The following PDE3A variants were observed in gnomAD, a reference collection of about 807,000 sequenced individuals.
The protein encoded by PDE3A is phosphodiesterase 3A, also known as cGMP-inhibited 3',5'-cyclic phosphodiesterase 3A.
In PDE3A, 43 loss-of-function variants were observed where a neutral mutation model predicts 98.3. That is an observed-to-expected ratio of 0.44 (90% CI 0.34 to 0.56). PDE3A has a LOEUF of 0.56. Ranked by LOEUF, PDE3A falls within the 20% of genes least tolerant of loss-of-function variation. The pLI is 0.01. For missense variants in PDE3A, 1,427 were observed against 1,440.7 expected (o/e 0.99, Z 0.15); for synonymous variants, 663 against 567.9 (o/e 1.17, Z -2.38).
chr12:20,683,719 A>G lies in PDE3A; in HGVS notation c.*3448A>G, dbSNP rs1056140882. The G allele has an allele frequency of 3.9e-5, 6 of 152,166 alleles. No homozygotes were observed. The highest frequency in any genetic ancestry group is 7.4e-5 in the Non-Finnish European group (5 of 68,018). 9.4% of individuals were successfully genotyped at this position (152,166 alleles called of 1,614,324 possible). ...AGTAGCTCTGTACAGGGATATATCT[A>G]TATTAGTCTTCATCTGATGAATGAA... On this transcript the variant is annotated 3_prime_UTR_variant, in exon 16 of 16. Coordinates refer to ENST00000359062, the MANE Select transcript of PDE3A (RefSeq NM_000921.5).
chr12:20,663,635 G>T (rs1389196745), intron 15 of PDE3A, among the ~76,000 whole-genome samples: 2 of 152,256 alleles, frequency 1.3e-5, no homozygotes, highest in East Asian at 1.9e-4. Flanking sequence ...CTTTGTTTTG[G>T]CAGATTTCTC....
chr12:20,400,299 A>G (rs942105518), intron 1 of PDE3A, among the ~76,000 whole-genome samples: 1 of 150,594 alleles, frequency 6.6e-6, no homozygotes, highest in East Asian at 1.9e-4. Context: ...CTAAAGGAGT[A>G]GCACAGCCAG....
At position 20,527,279 on chromosome 12, in the gene PDE3A, C is replaced by G. The variant is rs577934412; in HGVS notation, c.961-29381C>G. Among the ~76,000 whole-genome samples the G allele has an allele frequency of 7.2e-5, 11 of 152,182 alleles. No homozygotes were observed. The South Asian group carries it at 1.5e-3, about 20-fold the overall frequency. Reference sequence around the variant, plus strand: ...CAACAGAAACATAATTAAATAGCTTCTAAACATTTGAGAAGATGAATGGAT... The same window carrying G: ...CAACAGAAACATAATTAAATAGCTTGTAAACATTTGAGAAGATGAATGGAT... On this transcript the variant is annotated intron_variant, in intron 1 of 15. Transcript: ENST00000359062.
chr12:20,662,324 A>G (rs7977591), intron 15 of PDE3A, among the ~76,000 whole-genome samples: 82,574 of 151,910 alleles, frequency 0.54, 23,482 homozygotes, highest in East Asian at 0.73. Flanking sequence ...GGTCTCAGAT[A>G]AAGATGAGGA....
intron 2 of PDE3A, among the ~76,000 whole-genome samples, chr12:20,561,848 T>G (rs893672672): frequency 6.6e-6 from 1 of 152,196 alleles, no homozygotes; most frequent in Non-Finnish European, 1.5e-5. Context: ...AACCCTTAAT[T>G]GCATATGACT....
At chr12:20,370,921 T>C (rs1350155909) in intron 1 of PDE3A, among the ~76,000 whole-genome samples, 1 of 152,236 alleles carries the variant, frequency 6.6e-6, no homozygotes, top group African/African-American at 2.4e-5. Flanking sequence ...TGGGGAATAA[T>C]ATGTCTGAAC....
At chr12:20,456,934 G>C (rs926551742) in intron 1 of PDE3A, among the ~76,000 whole-genome samples, 1 of 152,114 alleles carries the variant, frequency 6.6e-6, no homozygotes, top group African/African-American at 2.4e-5. Context: ...GCTTTGTCAA[G>C]TATCCTTAGC....
chr12:20,552,202 A>G lies in PDE3A; in HGVS notation c.961-4458A>G. 1 of 1,613,940 alleles carries G rather than the reference A, an allele frequency of 6.2e-7. No homozygotes were observed. Among genetic ancestry groups the G allele is most frequent in the South Asian group, 1.1e-5 (1 of 91,082 alleles). ...CAATGACCAAGAAGGGGCCGAGGCC[A>G]AGGACTGGCGGTCGGGGAAGCCGGT... On this transcript the variant is annotated intron_variant, in intron 1 of 15. Transcript: ENST00000359062. The surrounding 1 kb of genome is among the most constrained non-coding windows in gnomAD (Gnocchi z 5.1).
At chr12:20,497,055 A>T (rs1945933349) in intron 1 of PDE3A, among the ~76,000 whole-genome samples, 1 of 152,166 alleles carries the variant, frequency 6.6e-6, no homozygotes, top group African/African-American at 2.4e-5. Flanking sequence ...GTGGGCGCTT[A>T]TTCTATAATG....
At chr12:20,628,716 A>G (rs1219899290) in intron 5 of PDE3A, among the ~76,000 whole-genome samples, 1 of 152,204 alleles carries the variant, frequency 6.6e-6, no homozygotes, top group African/African-American at 2.4e-5. Context: ...GGAGAGTGAG[A>G]TTTCTCATCT....
chr12:20,466,655 GCT>G (rs1218216260), intron 1 of PDE3A, among the ~76,000 whole-genome samples: 2 of 152,038 alleles, frequency 1.3e-5, no homozygotes, highest in African/African-American at 4.8e-5. Context: ...TGTGTTTCTG[GCT>G]CTGTTTTTCA....
intron 1 of PDE3A, among the ~76,000 whole-genome samples, chr12:20,433,061 T>C (rs551203085): frequency 6.6e-6 from 1 of 152,274 alleles, no homozygotes; most frequent in African/African-American, 2.4e-5. Context: ...CTTCTGAACC[T>C]CATATTCAAC....
chr12:20,600,824 A>G (rs568768148), intron 2 of PDE3A, among the ~76,000 whole-genome samples: 30 of 152,286 alleles, frequency 2.0e-4, no homozygotes, highest in African/African-American at 6.7e-4. Flanking sequence ...AGAACATGCA[A>G]TTGTGCTAGG....
chr12:20,513,720 G>A (rs1157870186), intron 1 of PDE3A, among the ~76,000 whole-genome samples: 2 of 151,996 alleles, frequency 1.3e-5, no homozygotes, highest in African/African-American at 2.4e-5. Context: ...AAACTGTAAG[G>A]ACCACACAAG....
chr12:20,555,574 T>C (rs1942349215), intron 1 of PDE3A, among the ~76,000 whole-genome samples: 1 of 152,200 alleles, frequency 6.6e-6, no homozygotes, highest in Non-Finnish European at 1.5e-5. Flanking sequence ...TGATTATATA[T>C]GTTTATACTC....
chr12:20,441,444 A>G (rs915915188), intron 1 of PDE3A, among the ~76,000 whole-genome samples: 1 of 152,214 alleles, frequency 6.6e-6, no homozygotes, highest in African/African-American at 2.4e-5. Context: ...GTAATGGGTC[A>G]TAAAATGCAT....
intron 1 of PDE3A, among the ~76,000 whole-genome samples, chr12:20,461,378 A>G (rs1316378680): frequency 6.6e-6 from 1 of 152,176 alleles, no homozygotes; most frequent in African/African-American, 2.4e-5. Flanking sequence ...AAAGTTTTAA[A>G]AAATAAATCC....
intron 1 of PDE3A, among the ~76,000 whole-genome samples, chr12:20,500,342 A>G (rs1056859054): frequency 1.3e-5 from 2 of 152,156 alleles, no homozygotes; most frequent in African/African-American, 4.8e-5. Context: ...TACTTGGAAT[A>G]TTATTGTCTA....
At chr12:20,424,702 A>T (rs1403810164) in intron 1 of PDE3A, among the ~76,000 whole-genome samples, 4 of 152,232 alleles carry the variant, frequency 2.6e-5, no homozygotes, top group Non-Finnish European at 5.9e-5. Flanking sequence ...ATAGAAAAAT[A>T]TGCAAGTTTA....
Sources: gnomAD v4.1 joint callset for allele counts (sites outside exome capture counted in the v4.1 genomes callset) on GRCh38, gnomAD v4.1.1 for gene constraint, Gnocchi (gnomAD v3.1) non-coding constraint, MANE v1.5 for transcripts, NCBI Gene and HGNC (gene_info 2026-07-23, HGNC 2026-07-21) for gene names.